CDYL2: variants seen among roughly 807,000 people sequenced by gnomAD.
The protein encoded by CDYL2 is chromodomain Y like 2, also known as chromodomain Y-like protein 2.
A neutral mutation model predicts 49.4 loss-of-function variants in CDYL2; 23 were observed. The observed-to-expected ratio is 0.47, with a 90% CI of 0.34 to 0.66. CDYL2 has a LOEUF of 0.66. CDYL2 is among the 30% of genes least tolerant of loss of function. CDYL2 has a pLI of 0.01. For synonymous variants in CDYL2, 360 were observed against 268.8 expected (o/e 1.34, Z -3.32); for missense variants, 678 against 656.4 (o/e 1.03, Z -0.36).
intron 1 of CDYL2, among the ~76,000 whole-genome samples, chr16:80,726,438 G>C (rs1304290552): frequency 1.3e-5 from 2 of 151,998 alleles, no homozygotes; most frequent in African/African-American, 2.4e-5. Flanking sequence ...ATTTCTAATT[G>C]CTATGTATTT....
intron 4 of CDYL2, among the ~76,000 whole-genome samples, chr16:80,616,857 G>C (rs1487874942): frequency 5.9e-5 from 9 of 152,232 alleles, no homozygotes; most frequent in Admixed American, 5.2e-4. Flanking sequence ...ACACCAGTGA[G>C]GCCAGTACCA....
chr16:80,740,163 C>A (rs1351111133), intron 1 of CDYL2, among the ~76,000 whole-genome samples: 1 of 152,170 alleles, frequency 6.6e-6, no homozygotes, highest in Non-Finnish European at 1.5e-5. Flanking sequence ...TTCAGTGTTC[C>A]TTGCTAACCT....
intron 2 of CDYL2, among the ~76,000 whole-genome samples, chr16:80,660,245 A>T (rs1288729486): frequency 2.6e-5 from 4 of 152,128 alleles, no homozygotes; most frequent in Non-Finnish European, 5.9e-5. Flanking sequence ...TAGATTTTTA[A>T]AATTTTAGTA....
chr16:80,737,042 G>C (rs1207041467), intron 1 of CDYL2, among the ~76,000 whole-genome samples: 1 of 152,174 alleles, frequency 6.6e-6, no homozygotes, highest in Non-Finnish European at 1.5e-5. Context: ...TGTGGAAAGA[G>C]AAGACAAGGA....
At chr16:80,645,722 C>T (rs1229038935) in intron 2 of CDYL2, among the ~76,000 whole-genome samples, 1 of 152,022 alleles carries the variant, frequency 6.6e-6, no homozygotes, top group Admixed American at 6.5e-5. Context: ...ATAGCAAAGA[C>T]TTGGAACCAA....
intron 2 of CDYL2, among the ~76,000 whole-genome samples, chr16:80,672,555 G>A (rs1332951636): frequency 7.8e-6 from 1 of 128,244 alleles, no homozygotes; most frequent in Non-Finnish European, 1.6e-5. Flanking sequence ...GAAAGGAAAG[G>A]AAAGGAAAGG....
intron 1 of CDYL2, among the ~76,000 whole-genome samples, chr16:80,777,331 AAGT>A (rs1303068011): frequency 2.0e-5 from 3 of 151,796 alleles, no homozygotes; most frequent in Non-Finnish European, 4.4e-5. Context: ...TCATAATTAA[AAGT>A]AGAAAAAAAG....
chr16:80,697,886 AAAAAATT>A (rs1429760846), intron 1 of CDYL2, among the ~76,000 whole-genome samples: 3 of 152,160 alleles, frequency 2.0e-5, no homozygotes, highest in African/African-American at 7.2e-5. Context: ...ACATTGGTGG[AAAAAATT>A]AAAGATAAGA....
chr16:80,734,407 G>C (rs531800782), intron 1 of CDYL2, among the ~76,000 whole-genome samples: 2 of 152,258 alleles, frequency 1.3e-5, no homozygotes, highest in South Asian at 4.2e-4. Context: ...ACAGATCCAT[G>C]AGCCATGAGG....
intron 1 of CDYL2, among the ~76,000 whole-genome samples, chr16:80,695,991 T>C (rs2142493839): frequency 6.6e-6 from 1 of 152,324 alleles, no homozygotes; most frequent in Admixed American, 6.5e-5. Flanking sequence ...GGATAGACCA[T>C]ACATCATGCC....
At chr16:80,654,608 G>C (rs1908726238) in intron 2 of CDYL2, among the ~76,000 whole-genome samples, 1 of 152,192 alleles carries the variant, frequency 6.6e-6, no homozygotes, top group Non-Finnish European at 1.5e-5. Context: ...GGTGGGCTCA[G>C]GCTCATAAAT....
At chr16:80,726,292 G>C (rs1436273620) in intron 1 of CDYL2, among the ~76,000 whole-genome samples, 3 of 152,112 alleles carry the variant, frequency 2.0e-5, no homozygotes, top group Non-Finnish European at 2.9e-5. Context: ...AGAAGCATTT[G>C]TTTTTAAAAC....
chr16:80,701,970 GA>G (rs1298883245), intron 1 of CDYL2, among the ~76,000 whole-genome samples: 1 of 152,170 alleles, frequency 6.6e-6, no homozygotes, highest in Non-Finnish European at 1.5e-5. Context: ...AAGCAAGCCT[GA>G]AAACATCCCT....
At chr16:80,653,871 A>C (rs1187091389) in intron 2 of CDYL2, among the ~76,000 whole-genome samples, 6 of 152,156 alleles carry the variant, frequency 3.9e-5, no homozygotes, top group Non-Finnish European at 8.8e-5. Flanking sequence ...GATTGTGAAA[A>C]ATCAGGCTGC....
At chr16:80,722,238 G>GA (rs1173013135) in intron 1 of CDYL2, among the ~76,000 whole-genome samples, 3 of 152,118 alleles carry the variant, frequency 2.0e-5, no homozygotes, top group Non-Finnish European at 2.9e-5. Context: ...ATAAGTGAAT[G>GA]AAAAAACCAA....
At chr16:80,678,873 C>T (rs1302282506) in intron 2 of CDYL2, among the ~76,000 whole-genome samples, 1 of 151,044 alleles carries the variant, frequency 6.6e-6, no homozygotes, top group Non-Finnish European at 1.5e-5. Flanking sequence ...AAATGTCCAA[C>T]AATGATAGAT....
rs192954505 is a variant in CDYL2, at chr16:80,642,180, C to T, written c.617-8944G>A. ...ATTAGTCGCCGGGTGTGGTGGCTCACGCCTGTAATCCCAGCACTTTGGGAG... is the reference window on the plus strand; with the variant it reads ...ATTAGTCGCCGGGTGTGGTGGCTCATGCCTGTAATCCCAGCACTTTGGGAG... On this transcript the variant is annotated intron_variant, in intron 2 of 6. Coordinates refer to ENST00000570137, the MANE Select transcript of CDYL2 (RefSeq NM_152342.4). Among the ~76,000 whole-genome samples, 531 of 152,238 alleles carry T rather than the reference C, an allele frequency of 3.5e-3. 4 individuals are homozygous for T. The highest frequency in any genetic ancestry group is 0.012 in the African/African-American group (500 of 41,546).
rs1232689953 is a variant in CDYL2, at chr16:80,685,041, G to A, written c.113C>T (p.Thr38Met). 1.9e-6 allele frequency: 3 copies of A among 1,614,020 alleles called. No individual in the cohort carries two copies. The highest frequency in any genetic ancestry group is 1.7e-6 in the Non-Finnish European group (2 of 1,180,032). ...RWKGYGSTED[T>M]WEPEHHLLHC... ...CAAGAGGTGGTGCTCCGGCTCCCAC[G>A]TGTCCTCGGTGCTCCCGTAGCCTTT... Residue 38 changes from threonine (T) to methionine (M), a missense_variant, in exon 2 of 7, where the codon ACG becomes ATG. Physicochemically the swap from Thr to Met is moderately conservative, Grantham distance 81 (BLOSUM62 -1). This residue lies in a region of CDYL2 where 478 missense variants were observed against 427.0 expected (regional missense o/e 1.12). Transcript: ENST00000570137.
intron 3 of CDYL2, among the ~76,000 whole-genome samples, chr16:80,626,284 A>AG (rs1424175970): frequency 6.6e-6 from 1 of 151,044 alleles, no homozygotes; most frequent in East Asian, 1.9e-4. Flanking sequence ...CTAAAAAAAA[A>AG]AAAAAAAAAA....
Sources: allele counts gnomAD v4.1 joint callset (sites outside exome capture counted in the v4.1 genomes callset), GRCh38; gene constraint gnomAD v4.1.1; regional missense constraint gnomAD v4.1.1; transcripts MANE v1.5; gene names NCBI Gene and HGNC (gene_info 2026-07-23, HGNC 2026-07-21).